CNTNAP2: variants seen among roughly 807,000 people sequenced by gnomAD.
The protein encoded by CNTNAP2 is contactin-associated protein-like 2.
CNTNAP2 carries 98 observed loss-of-function variants against 155.2 expected under a neutral mutation model. That is an observed-to-expected ratio of 0.63 (90% CI 0.54 to 0.75). The LOEUF is 0.75. CNTNAP2 is among the 30% of genes least tolerant of loss of function. The pLI, the probability that CNTNAP2 is intolerant of heterozygous loss-of-function variation, is 0.00. For missense variants in CNTNAP2, 1,727 were observed against 1,688.1 expected (o/e 1.02, Z -0.40); for synonymous variants, 651 against 631.2 (o/e 1.03, Z -0.47).
chr7:146,351,146 T>A (rs1794909275), intron 1 of CNTNAP2, among the ~76,000 whole-genome samples: 1 of 151,826 alleles, frequency 6.6e-6, no homozygotes, highest in Admixed American at 6.6e-5. Flanking sequence ...AACCTGCACA[T>A]TGTGCACATG....
At chr7:146,654,992 A>G (rs1799972057) in intron 1 of CNTNAP2, among the ~76,000 whole-genome samples, 6 of 152,166 alleles carry the variant, frequency 3.9e-5, no homozygotes, top group Admixed American at 3.9e-4. Flanking sequence ...AGGCAAGTTC[A>G]TGAGAAATCT....
chr7:146,640,920 C>T (rs750306123), intron 1 of CNTNAP2, among the ~76,000 whole-genome samples: 9 of 152,140 alleles, frequency 5.9e-5, no homozygotes, highest in Non-Finnish European at 8.8e-5. Flanking sequence ...ACAACATCTG[C>T]GAACAGGGTC....
intron 1 of CNTNAP2, among the ~76,000 whole-genome samples, chr7:146,743,343 A>G (rs1263139645): frequency 6.6e-6 from 1 of 152,182 alleles, no homozygotes; most frequent in Admixed American, 6.5e-5. Flanking sequence ...CCTAATTAGC[A>G]TAAGTTATAG....
intron 9 of CNTNAP2, among the ~76,000 whole-genome samples, chr7:147,325,346 A>T (rs954491859): frequency 1.1e-4 from 16 of 152,250 alleles, no homozygotes; most frequent in Admixed American, 9.2e-4. Flanking sequence ...TTTAAAACTA[A>T]CTAAACACAA....
intron 1 of CNTNAP2, among the ~76,000 whole-genome samples, chr7:146,313,781 C>T (rs1294369801): frequency 6.6e-6 from 1 of 152,078 alleles, no homozygotes; most frequent in Admixed American, 6.6e-5. Context: ...GGCAGATCAC[C>T]TGAGGTCAGG....
At chr7:147,069,541 C>G (rs1170091884) in intron 4 of CNTNAP2, among the ~76,000 whole-genome samples, 1 of 152,130 alleles carries the variant, frequency 6.6e-6, no homozygotes, top group Non-Finnish European at 1.5e-5. Flanking sequence ...GGAGAACAAA[C>G]AGTATGACTT....
intron 11 of CNTNAP2, among the ~76,000 whole-genome samples, chr7:147,525,307 G>A (rs1243491210): frequency 1.3e-5 from 2 of 152,162 alleles, no homozygotes; most frequent in Non-Finnish European, 2.9e-5. Context: ...CAAAGACAAG[G>A]AGAGATAGAG....
intron 13 of CNTNAP2, among the ~76,000 whole-genome samples, chr7:147,670,151 G>C (rs1795764431): frequency 6.6e-6 from 1 of 152,192 alleles, no homozygotes; most frequent in Non-Finnish European, 1.5e-5. Flanking sequence ...GAAAAGCTCT[G>C]AAACAGTCTC....
chr7:147,578,924 T>C (rs1800447887), intron 12 of CNTNAP2, among the ~76,000 whole-genome samples: 1 of 152,106 alleles, frequency 6.6e-6, no homozygotes. Context: ...TGTTTCTTAG[T>C]TTCTCATCAA....
intron 13 of CNTNAP2, among the ~76,000 whole-genome samples, chr7:147,811,334 G>A (rs905383897): frequency 2.0e-5 from 3 of 152,030 alleles, no homozygotes; most frequent in East Asian, 1.9e-4. Context: ...CTGAGCTCAG[G>A]CAATCCACCC....
At chr7:147,291,367 G>A (rs1225676638) in intron 8 of CNTNAP2, among the ~76,000 whole-genome samples, 1 of 151,476 alleles carries the variant, frequency 6.6e-6, no homozygotes, top group Non-Finnish European at 1.5e-5. Context: ...TCCCCTCCCT[G>A]TATCTATTTT....
intron 13 of CNTNAP2, among the ~76,000 whole-genome samples, chr7:147,811,002 G>C (rs1798171021): frequency 6.6e-6 from 1 of 152,210 alleles, no homozygotes. Context: ...TGTCAGAATT[G>C]ATTGATAAAG....
At chr7:146,355,729 A>G (rs1794987860) in intron 1 of CNTNAP2, among the ~76,000 whole-genome samples, 1 of 152,142 alleles carries the variant, frequency 6.6e-6, no homozygotes, top group South Asian at 2.1e-4. Context: ...TCATTTTATT[A>G]TGATGATTTT....
chr7:147,185,360 A>G (rs748353590), intron 8 of CNTNAP2, among the ~76,000 whole-genome samples: 1 of 152,102 alleles, frequency 6.6e-6, no homozygotes, highest in Non-Finnish European at 1.5e-5. Context: ...CAAATCAGCA[A>G]CTCTACTTCT....
Position 147,450,908 on chromosome 7 carries a change from T to G in CNTNAP2, c.1671-35027T>G, listed in dbSNP as rs187050475. Among the ~76,000 whole-genome samples, 312 of 152,352 alleles carry G rather than the reference T, an allele frequency of 2.0e-3. 1 individual carries two copies. The highest frequency in any genetic ancestry group is 1.6e-3 in the Non-Finnish European group (108 of 68,042). ...ATTAATTCCTTATATTCTCAGTACC[T>G]AGGACATCACTTGGCATCAGTAGAT... On this transcript the variant is annotated intron_variant, in intron 10 of 23. Coordinates refer to ENST00000361727, the MANE Select transcript of CNTNAP2 (RefSeq NM_014141.6).
intron 21 of CNTNAP2, among the ~76,000 whole-genome samples, chr7:148,318,697 G>A (rs527580007): frequency 2.0e-5 from 3 of 152,228 alleles, no homozygotes; most frequent in South Asian, 2.1e-4. Flanking sequence ...AATGAGTTTC[G>A]TGGTCCGAAT....
chr7:147,877,137 C>CT (rs58314212), intron 13 of CNTNAP2, among the ~76,000 whole-genome samples: 5,898 of 151,996 alleles, frequency 0.039, 363 homozygotes, highest in African/African-American at 0.14. Context: ...ACAACGAAGG[C>CT]TTTTTTGTGT....
intron 11 of CNTNAP2, among the ~76,000 whole-genome samples, chr7:147,494,851 T>C (rs762305995): frequency 6.6e-6 from 1 of 152,196 alleles, no homozygotes; most frequent in Non-Finnish European, 1.5e-5. Flanking sequence ...TTGATACTTT[T>C]TAACTTCTCT....
rs975120628 is a variant in CNTNAP2 at position 148,118,848 on chromosome 7, T to C, written c.2554+560T>C. 1.1e-4 allele frequency among the ~76,000 whole-genome samples: 16 copies of C among 152,094 alleles called. No homozygotes were observed. In the East Asian group the frequency reaches 2.5e-3, roughly 24 times the overall value. The stretch of plus-strand genomic sequence containing the variant: ...TGGATGTCATGTACTTAGCCAAAGA[T>C]ACAGAGACAATAAGAGGCAGAGCAA... On this transcript the variant is annotated intron_variant, in intron 16 of 23. Transcript: ENST00000361727.
Sources: gnomAD v4.1 joint callset for allele counts (sites outside exome capture counted in the v4.1 genomes callset) on GRCh38, gnomAD v4.1.1 for gene constraint, MANE v1.5 for transcripts, NCBI Gene and HGNC (gene_info 2026-07-23, HGNC 2026-07-21) for gene names.